Variants in BYSL observed in about 807,000 individuals in gnomAD.
BYSL encodes the protein bystin like.
A neutral mutation model predicts 45.4 loss-of-function variants in BYSL; 21 were observed. The observed-to-expected ratio is 0.46, with a 90% CI of 0.33 to 0.67. The LOEUF (loss-of-function observed/expected upper bound fraction) is 0.67. BYSL is among the 30% of genes least tolerant of loss of function. The pLI is 0.02. For missense variants in BYSL, 522 were observed against 578.5 expected, an observed-to-expected ratio of 0.90 and a Z score of 1.00; for synonymous variants, 215 against 231.3, an observed-to-expected ratio of 0.93 and a Z score of 0.64.
At position 41,930,232 on chromosome 6, in the gene BYSL, G is replaced by T. The variant is rs2127386332; in HGVS notation, c.532G>T (p.Asp178Tyr). Reference protein sequence around the residue: ...EVSGFPMPQLDPRVLEVYRGV... With the variant: ...EVSGFPMPQLYPRVLEVYRGV... Reference sequence around the variant, plus strand: ...GTCGGGCTTCCCTATGCCCCAGCTGGACCCCCGGGTCCTAGAAGTGTACAG... The same window carrying T: ...GTCGGGCTTCCCTATGCCCCAGCTGTACCCCCGGGTCCTAGAAGTGTACAG... The change falls in exon 3 of 7, where the codon GAC becomes TAC. Residue 178 changes from aspartate (D) to tyrosine (Y), a missense_variant. Physicochemically the swap from Asp to Tyr is radical, Grantham distance 160 (BLOSUM62 -3). Coordinates refer to ENST00000230340, the MANE Select transcript of BYSL (RefSeq NM_004053.4). 6.2e-7 allele frequency: 1 copy of T among 1,614,190 alleles called. No individual in the cohort carries two copies. The highest frequency in any genetic ancestry group is 8.5e-7 in the Non-Finnish European group (1 of 1,180,036).
At chr6:41,914,675 T>C in the BYSL span, among the ~76,000 whole-genome samples, 1 of 151,502 alleles carries the variant, frequency 6.6e-6, no homozygotes, top group African/African-American at 2.4e-5. Flanking sequence ...GCTGTGATCA[T>C]GCTACTGTAC....
At chr6:41,914,046 A>G in the BYSL span, among the ~76,000 whole-genome samples, 2 of 152,262 alleles carry the variant, frequency 1.3e-5, no homozygotes, top group African/African-American at 4.8e-5. Context: ...AGCCCATGTC[A>G]GATAGTTTTG....
At chr6:41,923,540 T>C (rs1775521173) in intron 1 of BYSL, among the ~76,000 whole-genome samples, 1 of 152,150 alleles carries the variant, frequency 6.6e-6, no homozygotes, top group Non-Finnish European at 1.5e-5. Flanking sequence ...CAGGTCATCG[T>C]CCACCTCTGC....
In BYSL at chr6:41,932,874, T is replaced by C. The variant is rs1775661154; in HGVS notation, c.*168T>C. 1 of 750,314 alleles carries C rather than the reference T, an allele frequency of 1.3e-6. No homozygotes were observed. Among genetic ancestry groups the C allele is most frequent in the Non-Finnish European group, 2.1e-6 (1 of 475,976 alleles). 46.5% of individuals were successfully genotyped at this position (750,314 alleles called of 1,614,324 possible). A position where few individuals can be genotyped will look rare whatever the true frequency, so the allele number is the denominator to read the frequency against. ...TCCAGGACAGGAAGGACTGAGGGTC[T>C]GGCTGGTTCCCTCTTCCATTCTAGG... On this transcript the variant is annotated 3_prime_UTR_variant, in exon 7 of 7. Transcript: ENST00000230340. This position sits in a 1 kb window ranked among gnomAD's most constrained non-coding sequence, Gnocchi z 4.7.
chr6:41,921,168 T>TC (rs767692517), upstream of BYSL: 8 of 1,007,620 alleles, frequency 7.9e-6, no homozygotes, highest in Non-Finnish European at 1.1e-5. Context: ...GTCCACGCCT[T>TC]CCCCAAGGAA....
At chr6:41,909,744 A>G in the BYSL span, among the ~76,000 whole-genome samples, 2 of 152,262 alleles carry the variant, frequency 1.3e-5, no homozygotes, top group African/African-American at 4.8e-5. Context: ...CCTGCTCTAC[A>G]GAAAACAGTG....
chr6:41,912,179 G>A, the BYSL span, among the ~76,000 whole-genome samples: 1 of 148,006 alleles, frequency 6.8e-6, no homozygotes, highest in Admixed American at 6.8e-5. Flanking sequence ...GTCCCATGTA[G>A]CTGGGACCAC....
chr6:41,921,398 T>G (rs1411869939), upstream of BYSL: 1 of 981,532 alleles, frequency 1.0e-6, no homozygotes, highest in Non-Finnish European at 1.5e-6. Flanking sequence ...CCGGGAGCTC[T>G]TTTAGTGGGA....
At position 41,932,652 on chromosome 6, in the gene BYSL, G is replaced by C; in HGVS notation, c.1260G>C (p.Glu420Asp). 6.2e-7 allele frequency: 1 copy of C among 1,614,238 alleles called. No individual in the cohort carries two copies. Among genetic ancestry groups the C allele is most frequent in the Non-Finnish European group, 8.5e-7 (1 of 1,180,048 alleles). The change falls in exon 7 of 7, where the codon GAG becomes GAC. Residue 420 changes from glutamate (E) to aspartate (D), a missense_variant. Coordinates refer to ENST00000230340, the MANE Select transcript of BYSL (RefSeq NM_004053.4). The surrounding 1 kb of genome is among the most constrained non-coding windows in gnomAD (Gnocchi z 4.7). ...HPQLSPEIRRELQSAVPRDVE... is the reference protein window; with the variant it reads ...HPQLSPEIRRDLQSAVPRDVE... ...AGCTATCGCCCGAAATCAGGCGTGAGCTTCAGAGTGCAGTCCCCCGCGATG... is the reference window on the plus strand; with the variant it reads ...AGCTATCGCCCGAAATCAGGCGTGACCTTCAGAGTGCAGTCCCCCGCGATG...
chr6:41,930,097 CCT>C (rs755375386), intron 2 of BYSL, 33 bp from the exon 3 acceptor site: 2 of 1,612,874 alleles, frequency 1.2e-6, no homozygotes, highest in East Asian at 2.2e-5. Flanking sequence ...CTCCTTGCCC[CCT>C]CTCTCCCCTC....
upstream of BYSL, among the ~76,000 whole-genome samples, chr6:41,920,582 G>A (rs1328737637): frequency 6.6e-6 from 1 of 152,000 alleles, no homozygotes; most frequent in Non-Finnish European, 1.5e-5. Context: ...CGACACCAGC[G>A]TGGCCAATAT....
chr6:41,926,475 G>A (rs182714801), intron 1 of BYSL, among the ~76,000 whole-genome samples: 28 of 151,040 alleles, frequency 1.9e-4, no homozygotes, highest in African/African-American at 6.6e-4. Context: ...TTTTTGAGAC[G>A]GAGTCTCGCT....
chr6:41,912,073 C>T, the BYSL span, among the ~76,000 whole-genome samples: 1 of 149,468 alleles, frequency 6.7e-6, no homozygotes, highest in Admixed American at 6.7e-5. Flanking sequence ...TTTTGAGACA[C>T]GGTGTTGCTC....
chr6:41,930,569 T>C, intron 3 of BYSL, 66 bp from the exon 4 acceptor site: 1 of 1,546,688 alleles, frequency 6.5e-7, no homozygotes, highest in African/African-American at 1.4e-5. Context: ...CCCAGACAAG[T>C]TCCTAGCCCA....
chr6:41,929,829 G>C (rs965560145), intron 2 of BYSL, among the ~76,000 whole-genome samples: 1 of 152,214 alleles, frequency 6.6e-6, no homozygotes, highest in African/African-American at 2.4e-5. Context: ...GATCATACCA[G>C]GGAGTGGGTG....
Position 41,921,920 on chromosome 6 carries a change from C to G in BYSL, c.268+90C>G, listed in dbSNP as rs1318460242. 8.2e-6 allele frequency: 12 copies of G among 1,468,576 alleles called. No individual in the cohort carries two copies. The East Asian group carries it at 2.7e-4, about 33-fold the overall frequency. 91.0% of individuals were successfully genotyped at this position (1,468,576 alleles called of 1,614,324 possible). A position where few individuals can be genotyped will look rare whatever the true frequency, so the allele number is the denominator to read the frequency against. Reference sequence around the variant, plus strand: ...AAAGTGTCTGGCAGGGGAATTGCTTCGAGTCAACAAAGGGGTCCGTATTAC... The same window carrying G: ...AAAGTGTCTGGCAGGGGAATTGCTTGGAGTCAACAAAGGGGTCCGTATTAC... On this transcript the variant is annotated intron_variant, in intron 1 of 6. Transcript: ENST00000230340.
In BYSL at chr6:41,921,657, G is replaced by T. The variant is rs747604397; in HGVS notation, c.95G>T (p.Gly32Val). 19 of 1,613,506 alleles carry T rather than the reference G, an allele frequency of 1.2e-5. No individual in the cohort carries two copies. The Admixed American group carries it at 1.7e-4, about 14-fold the overall frequency. The change falls in exon 1 of 7, where the codon GGG (glycine) becomes GTG (valine). Residue 32 changes from glycine (G) to valine (V), a missense_variant. By Grantham distance (109) the Gly-to-Val change is moderately radical. Transcript: ENST00000230340. ...CTGGCTGGGAATGCGGTGCGGGCGG[G>T]GGTCCGGGAGAAGCGGCGGGGTCGC... Reference protein sequence around the residue: ...QILAGNAVRAGVREKRRGRGT... With the variant: ...QILAGNAVRAVVREKRRGRGT...
the BYSL span, among the ~76,000 whole-genome samples, chr6:41,915,276 C>T: frequency 6.6e-6 from 1 of 151,906 alleles, no homozygotes; most frequent in African/African-American, 2.4e-5. Context: ...TGGCTTGTGG[C>T]TAGGAGTTTG....
At chr6:41,931,607 G>A (rs1470993104) in intron 5 of BYSL, 51 bp downstream of exon 5, 6 of 1,612,880 alleles carry the variant, frequency 3.7e-6, no homozygotes, top group Non-Finnish European at 5.1e-6. Context: ...CTTCTATGGG[G>A]AACACAGCAG....
Sources: gnomAD v4.1 joint callset for allele counts (sites outside exome capture counted in the v4.1 genomes callset) on GRCh38, gnomAD v4.1.1 for gene constraint, Gnocchi (gnomAD v3.1) non-coding constraint, MANE v1.5 for transcripts, NCBI Gene and HGNC (gene_info 2026-07-23, HGNC 2026-07-21) for gene names.